PLG: variants seen among roughly 807,000 people sequenced by gnomAD.
The protein encoded by PLG is plasminogen, also known as plasmin.
PLG carries 41 observed loss-of-function variants against 104.4 expected under a neutral mutation model. The observed-to-expected ratio is 0.39, with a 90% confidence interval of 0.31 to 0.51. PLG has a LOEUF of 0.51. Among genes scored for constraint, PLG ranks in the 20% least tolerant of loss-of-function variants. PLG has a pLI of 0.76. For synonymous variants in PLG, 337 were observed against 357.1 expected (o/e 0.94, Z 0.63); for missense variants, 891 against 1,003.6 (o/e 0.89, Z 1.52).
intron 9 of PLG, 78 bp from the exon 10 acceptor site, chr6:160,722,330 C>CTGTTTT (rs1185604428): frequency 3.1e-6 from 3 of 966,588 alleles, no homozygotes; most frequent in Non-Finnish European, 5.1e-6. Flanking sequence ...GGCTACCGTA[C>CTGTTTT]TGTTTTTGTC....
At chr6:160,704,526 T>C (rs909746904) in intron 1 of PLG, among the ~76,000 whole-genome samples, 4 of 152,266 alleles carry the variant, frequency 2.6e-5, no homozygotes, top group Non-Finnish European at 4.4e-5. Context: ...CTGTGAGCTA[T>C]ATAGAATTAA....
intron 7 of PLG, among the ~76,000 whole-genome samples, 170 bp downstream of exon 7, chr6:160,716,933 G>T (rs1275606751): frequency 2.0e-5 from 3 of 152,180 alleles, no homozygotes; most frequent in African/African-American, 7.2e-5. Context: ...ATGGTTATTG[G>T]TTACTGTGGG....
At chr6:160,702,229 T>G, upstream of PLG, 1 of 1,545,900 alleles carries the variant, frequency 6.5e-7, no homozygotes, top group Non-Finnish European at 8.9e-7. Context: ...GGTTTGTGGA[T>G]GCGTTTACTC....
intron 4 of PLG, chr6:160,711,656 T>C: frequency 6.2e-7 from 1 of 1,610,850 alleles, no homozygotes; most frequent in Non-Finnish European, 8.5e-7. Context: ...CTTTCTATTT[T>C]TTCTTGGATA....
rs1418948029 is a variant in PLG at position 160,718,294 on chromosome 6, C to T, written c.788C>T (p.Thr263Ile). The change falls in exon 8 of 19, where the codon ACA (threonine) becomes ATA (isoleucine). Residue 263 changes from threonine (T) to isoleucine (I), a missense_variant and splice_region_variant. Physicochemically the swap from Thr to Ile is moderately conservative, Grantham distance 89. This residue lies in a region of PLG where 854 missense variants were observed against 932.1 expected (regional missense o/e 0.92). Coordinates refer to ENST00000308192, the MANE Select transcript of PLG (RefSeq NM_000301.5). ...TTGTAACTTATTTTGCCCATTCAAGCAACACCTCCACCATCTTCTGGTCCC... is the reference window on the plus strand; with the variant it reads ...TTGTAACTTATTTTGCCCATTCAAGTAACACCTCCACCATCTTCTGGTCCC... Reference protein sequence around the residue: ...RWELCDIPRCTTPPPSSGPTY... With the variant: ...RWELCDIPRCITPPPSSGPTY... 1 of 1,612,742 alleles carries T rather than the reference C, an allele frequency of 6.2e-7. No individual in the cohort carries two copies. Among genetic ancestry groups the T allele is most frequent in the African/African-American group, 1.3e-5 (1 of 74,896 alleles).
chr6:160,739,891 C>CT lies in PLG; in HGVS notation c.2018+686dup, dbSNP rs1267226039. Reference sequence around the variant, plus strand: ...ATTGTCTTCTTTGATTTGATTTTCTCTTTCCTGTTGAAATGTTGTTTCACT... The same window carrying CT: ...ATTGTCTTCTTTGATTTGATTTTCTCTTTTCCTGTTGAAATGTTGTTTCACT... On this transcript the variant is annotated intron_variant, in intron 16 of 18. Transcript: ENST00000308192. The surrounding 1 kb of genome is among the most constrained non-coding windows in gnomAD (Gnocchi z 4.4). Among the ~76,000 whole-genome samples, 1 of 152,000 alleles carries CT rather than the reference C, an allele frequency of 6.6e-6. No individual in the cohort carries two copies. The highest frequency in any genetic ancestry group is 1.5e-5 in the Non-Finnish European group (1 of 68,020).
At position 160,739,686 on chromosome 6, in the gene PLG, C is replaced by T. The variant is rs556727763; in HGVS notation, c.2018+478C>T. 1.3e-5 allele frequency among the ~76,000 whole-genome samples: 2 copies of T among 150,294 alleles called. No homozygotes were observed. Among genetic ancestry groups the T allele is most frequent in the African/African-American group, 2.4e-5 (1 of 40,884 alleles). The stretch of plus-strand genomic sequence containing the variant: ...TGAGGCAGGAGGGTCACTTGAGTCC[C>T]GGAGTTTGAGGCTGCAGTGAGTTAT... On this transcript the variant is annotated intron_variant, in intron 16 of 18. Transcript: ENST00000308192. The surrounding 1 kb of genome is among the most constrained non-coding windows in gnomAD (Gnocchi z 4.4).
Position 160,722,452 on chromosome 6 carries a change from G to T in PLG, c.1141G>T (p.Asp381Tyr), listed in dbSNP as rs376572197. The change falls in exon 10 of 19, where the codon GAT becomes TAT. Residue 381 changes from aspartate (D) to tyrosine (Y), a missense_variant. By Grantham distance (160) the Asp-to-Tyr change is radical. Around this residue, in one of 2 missense-constraint regions of PLG, gnomAD observed 854 missense variants for 932.1 expected, o/e 0.92. Transcript: ENST00000308192. ...TGTGGTCCAGGACTGCTACCATGGT[G>T]ATGGACAGAGCTACCGAGGCACATC... Reference protein sequence around the residue: ...TPVVQDCYHGDGQSYRGTSST... With the variant: ...TPVVQDCYHGYGQSYRGTSST... The T allele has an allele frequency of 1.2e-6, 2 of 1,612,920 alleles. No individual in the cohort carries two copies. The highest frequency in any genetic ancestry group is 1.7e-6 in the Non-Finnish European group (2 of 1,179,100).
Position 160,723,025 on chromosome 6 carries a change from A to T in PLG, c.1256+458A>T, listed in dbSNP as rs1777862060. 6.7e-6 allele frequency among the ~76,000 whole-genome samples: 1 copy of T among 148,488 alleles called. No individual in the cohort carries two copies. The highest frequency in any genetic ancestry group is 6.7e-5 in the Admixed American group (1 of 14,984). On this transcript the variant is annotated intron_variant, in intron 10 of 18. Coordinates refer to ENST00000308192, the MANE Select transcript of PLG (RefSeq NM_000301.5). The surrounding 1 kb of genome is among the most constrained non-coding windows in gnomAD (Gnocchi z 4.7). Reference sequence around the variant, plus strand: ...AGTATGAATATATATACACACATATATATGTATACATATGTGTGCATATAT... The same window carrying T: ...AGTATGAATATATATACACACATATTTATGTATACATATGTGTGCATATAT...
rs184966364 is a variant in PLG, at chr6:160,746,387, T to C, written c.2125+4970T>C. 3.4e-3 allele frequency among the ~76,000 whole-genome samples: 521 copies of C among 152,354 alleles called. 5 individuals carry two copies. The highest frequency in any genetic ancestry group is 3.6e-3 in the Non-Finnish European group (246 of 68,028). ...TTTCAGAAAGCCAGTCTTCCATTTC[T>C]GAGATTCTTTCCTCAGCTTGGTTTA... On this transcript the variant is annotated intron_variant, in intron 17 of 18. Coordinates refer to ENST00000308192, the MANE Select transcript of PLG (RefSeq NM_000301.5).
intron 17 of PLG, among the ~76,000 whole-genome samples, chr6:160,750,434 C>G (rs1308447446): frequency 6.6e-6 from 1 of 152,212 alleles, no homozygotes. Flanking sequence ...TCCCCCTTAT[C>G]AGCGTGTTTG....
In PLG at chr6:160,723,095, G is replaced by A. The variant is rs1003252722; in HGVS notation, c.1256+528G>A. 6.6e-6 allele frequency among the ~76,000 whole-genome samples: 1 copy of A among 150,574 alleles called. No individual in the cohort carries two copies. Among genetic ancestry groups the A allele is most frequent in the African/African-American group, 2.4e-5 (1 of 40,828 alleles). The stretch of plus-strand genomic sequence containing the variant: ...ATATACAAGTATACATATATAGTGT[G>A]TATATATATGTACACATATATGTGT... On this transcript the variant is annotated intron_variant, in intron 10 of 18. Coordinates refer to ENST00000308192, the MANE Select transcript of PLG (RefSeq NM_000301.5). The surrounding 1 kb of genome is among the most constrained non-coding windows in gnomAD (Gnocchi z 4.7).
At chr6:160,706,035 T>G in intron 1 of PLG, 1 of 240,694 alleles carries the variant, frequency 4.2e-6, no homozygotes, top group Non-Finnish European at 8.2e-6. Flanking sequence ...ACTTTTAGAG[T>G]CAGGGGTACA....
At position 160,731,951 on chromosome 6, in the gene PLG, A is replaced by ACCAATTCTGT; in HGVS notation, c.1587+58_1587+59insCCAATTCTGT. ...TTGCTCACCAATCTTTGCAAACAGA[A>ACCAATTCTGT]TTGGTTCTGTGTTACAGAAAATCTG... On this transcript the variant is annotated intron_variant, in intron 12 of 18. Coordinates refer to ENST00000308192, the MANE Select transcript of PLG (RefSeq NM_000301.5). This position sits in a 1 kb window ranked among gnomAD's most constrained non-coding sequence, Gnocchi z 5.1. 1 of 1,571,772 alleles carries ACCAATTCTGT rather than the reference A, an allele frequency of 6.4e-7. No individual in the cohort carries two copies. The highest frequency in any genetic ancestry group is 1.1e-5 in the South Asian group (1 of 90,244).
chr6:160,707,294 T>C (rs1008646136), intron 2 of PLG, among the ~76,000 whole-genome samples: 4 of 151,244 alleles, frequency 2.6e-5, no homozygotes, highest in Non-Finnish European at 4.4e-5. Flanking sequence ...GGGGCCAGGG[T>C]GGGGTGGAAT....
intron 5 of PLG, chr6:160,713,510 C>A: frequency 4.1e-6 from 1 of 242,112 alleles, no homozygotes; most frequent in Non-Finnish European, 8.3e-6. Context: ...CTCAGGTGAT[C>A]CGCCTGCCTC....
intron 2 of PLG, among the ~76,000 whole-genome samples, chr6:160,706,951 T>TG (rs1777538520): frequency 4.2e-5 from 6 of 142,354 alleles, no homozygotes; most frequent in African/African-American, 1.5e-4. Flanking sequence ...GATATAATGT[T>TG]AAAAAAAAAA....
chr6:160,733,847 A>G (rs1157675512), intron 12 of PLG, 148 bp from the exon 13 acceptor site: 14 of 67,754 alleles, frequency 2.1e-4, no homozygotes, highest in African/African-American at 3.2e-4. Flanking sequence ...TCCACCTCAG[A>G]AAAAAAAAAA....
chr6:160,709,477 C>T (rs1777596257), intron 3 of PLG, among the ~76,000 whole-genome samples: 1 of 152,166 alleles, frequency 6.6e-6, no homozygotes, highest in Admixed American at 6.5e-5. Context: ...TGCTAGGGCC[C>T]AGCATTATTT....
Sources: allele counts gnomAD v4.1 joint callset (sites outside exome capture counted in the v4.1 genomes callset), GRCh38; gene constraint gnomAD v4.1.1; regional missense constraint gnomAD v4.1.1; non-coding constraint Gnocchi (gnomAD v3.1); transcripts MANE v1.5; gene names NCBI Gene and HGNC (gene_info 2026-07-23, HGNC 2026-07-21).